The following BRD10 variants were observed in gnomAD, a reference collection of about 807,000 sequenced individuals.
BRD10 encodes uncharacterized bromodomain-containing protein 10.
chr9:5,903,174 T>C, the BRD10 span, among the ~76,000 whole-genome samples: 4 of 152,228 alleles, frequency 2.6e-5, no homozygotes, highest in African/African-American at 4.8e-5. Flanking sequence ...AATTCTATTA[T>C]AGTCTAAGTG....
chr9:5,916,642 T>C, the BRD10 span, among the ~76,000 whole-genome samples: 1 of 151,732 alleles, frequency 6.6e-6, no homozygotes, highest in Non-Finnish European at 1.5e-5. Context: ...GGAAAAACCA[T>C]AGGAAATGAG....
the BRD10 span, chr9:5,919,542 A>AC: frequency 2.7e-5 from 19 of 696,766 alleles, no homozygotes; most frequent in East Asian, 1.7e-4. Context: ...AGATACATTA[A>AC]AACACACACA....
chr9:5,899,508 AAGG>A, the BRD10 span, among the ~76,000 whole-genome samples: 2 of 152,134 alleles, frequency 1.3e-5, no homozygotes, highest in Non-Finnish European at 2.9e-5. Flanking sequence ...ATCTAGTGGG[AAGG>A]AGGAGGAGTT....
chr9:5,976,038 T>C, the BRD10 span, among the ~76,000 whole-genome samples: 8 of 152,136 alleles, frequency 5.3e-5, no homozygotes, highest in Non-Finnish European at 8.8e-5. Context: ...AATAGCAACA[T>C]AGCATTTATT....
At chr9:5,920,955 A>G in the BRD10 span, 1 of 1,613,962 alleles carries the variant, frequency 6.2e-7, no homozygotes. Flanking sequence ...CCACTGACTA[A>G]AACAGGAGGT....
chr9:5,920,579 G>A, the BRD10 span: 3 of 1,613,930 alleles, frequency 1.9e-6, no homozygotes, highest in Admixed American at 5.0e-5. Context: ...TTCAGTTTGA[G>A]GTTTATTTGT....
the BRD10 span, among the ~76,000 whole-genome samples, chr9:5,890,578 AT>A: frequency 6.6e-6 from 1 of 152,304 alleles, no homozygotes; most frequent in Admixed American, 6.5e-5. Context: ...TGCAAAAGTA[AT>A]TGTGGTGTCG....
chr9:5,958,316 C>T, the BRD10 span, among the ~76,000 whole-genome samples: 1 of 152,076 alleles, frequency 6.6e-6, no homozygotes, highest in African/African-American at 2.4e-5. Flanking sequence ...TGGAAATATG[C>T]CTTTTATAAA....
the BRD10 span, chr9:5,919,066 C>T: frequency 1.4e-4 from 21 of 152,530 alleles, no homozygotes; most frequent in African/African-American, 4.8e-4. Flanking sequence ...TGCATTGTTG[C>T]TAACAGTTCA....
the BRD10 span, among the ~76,000 whole-genome samples, chr9:5,917,789 G>C: frequency 5.9e-5 from 9 of 152,200 alleles, no homozygotes; most frequent in African/African-American, 1.7e-4. Context: ...GGAGGCAGAG[G>C]TTGCAGTGAG....
chr9:5,905,101 G>C, the BRD10 span, among the ~76,000 whole-genome samples: 1 of 151,938 alleles, frequency 6.6e-6, no homozygotes, highest in Non-Finnish European at 1.5e-5. Context: ...TTTTTTCAGT[G>C]GTTTCCCTAG....
At chr9:5,968,256 C>A in the BRD10 span, 4 of 1,612,464 alleles carry the variant, frequency 2.5e-6, no homozygotes, top group African/African-American at 4.0e-5. Flanking sequence ...TCCCTTACAA[C>A]TTTGTGGCAG....
the BRD10 span, among the ~76,000 whole-genome samples, chr9:5,972,006 A>T: frequency 6.6e-6 from 1 of 152,238 alleles, no homozygotes; most frequent in African/African-American, 2.4e-5. Context: ...CCAGAAAAAC[A>T]TCACACTAAG....
the BRD10 span, among the ~76,000 whole-genome samples, chr9:5,887,160 G>A: frequency 6.6e-6 from 1 of 152,190 alleles, no homozygotes; most frequent in African/African-American, 2.4e-5. Flanking sequence ...TCAGGAGGCT[G>A]AGGCAGGAGA....
At chr9:5,903,555 T>C in the BRD10 span, among the ~76,000 whole-genome samples, 26,312 of 152,204 alleles carry the variant, frequency 0.17, 2,381 homozygotes, top group Middle Eastern at 0.22. Context: ...TTTTACCTGC[T>C]GGCTTTGTGT....
At chr9:5,943,714 AT>A in the BRD10 span, among the ~76,000 whole-genome samples, 1 of 152,142 alleles carries the variant, frequency 6.6e-6, no homozygotes, top group Non-Finnish European at 1.5e-5. Context: ...AATCTAAACC[AT>A]TTTTAATGAA....
chr9:5,989,625 G>A, the BRD10 span, among the ~76,000 whole-genome samples: 1 of 151,160 alleles, frequency 6.6e-6, no homozygotes, highest in Non-Finnish European at 1.5e-5. Context: ...ACCTCCCTGG[G>A]CTCAGGTGAT....
the BRD10 span, chr9:5,909,010 G>T: frequency 5.8e-6 from 2 of 343,200 alleles, no homozygotes; most frequent in South Asian, 3.9e-5. Flanking sequence ...AATTCAAGTG[G>T]GTATTCTGGG....
the BRD10 span, chr9:6,008,147 C>G: frequency 5.1e-6 from 5 of 982,522 alleles, no homozygotes; most frequent in South Asian, 1.9e-4. Context: ...CTCGGCGCCC[C>G]ACCCCCTCCC....
Sources: gnomAD v4.1 joint callset for allele counts (sites outside exome capture counted in the v4.1 genomes callset) on GRCh38, gnomAD v4.1.1 for gene constraint, MANE v1.5 for transcripts, NCBI Gene and HGNC (gene_info 2026-07-23, HGNC 2026-07-21) for gene names.